Variants in SRCIN1 observed in about 807,000 individuals in gnomAD.
The protein encoded by SRCIN1 is P130Cas-associated protein.
In SRCIN1, 50 loss-of-function variants were observed where a neutral mutation model predicts 116.2. The observed-to-expected ratio is 0.43, with a 90% CI of 0.34 to 0.54. The LOEUF is 0.54. Ranked by LOEUF, SRCIN1 falls within the 20% of genes least tolerant of loss-of-function variation. The pLI is 0.02. For missense variants in SRCIN1, 1,446 were observed against 1,672.0 expected, an observed-to-expected ratio of 0.86 and a Z score of 2.36; for synonymous variants, 736 against 750.0, an observed-to-expected ratio of 0.98 and a Z score of 0.30.
At chr17:38,537,171 C>T (rs561850322) in intron 18 of SRCIN1, among the ~76,000 whole-genome samples, 28 of 148,812 alleles carry the variant, frequency 1.9e-4, no homozygotes, top group Admixed American at 3.4e-4. Flanking sequence ...GAGCGAGAGA[C>T]TCTATCTCAA....
chr17:38,579,239 G>A (rs542708040), intron 1 of SRCIN1, among the ~76,000 whole-genome samples: 1 of 152,160 alleles, frequency 6.6e-6, no homozygotes, highest in Non-Finnish European at 1.5e-5. Context: ...AAATGAGCTC[G>A]TAGTCTTCCT....
intron 3 of SRCIN1, among the ~76,000 whole-genome samples, chr17:38,567,663 CAGG>C (rs1295775186): frequency 6.6e-6 from 1 of 152,046 alleles, no homozygotes; most frequent in Admixed American, 6.5e-5. Flanking sequence ...GGCCAGAGCT[CAGG>C]AGGAGGCAAG....
In SRCIN1 at chr17:38,544,560, G is replaced by T; in HGVS notation, c.3271-591C>A. The T allele has an allele frequency of 6.6e-6, 1 of 152,616 alleles. No homozygotes were observed. 9.5% of individuals were successfully genotyped at this position (152,616 alleles called of 1,614,324 possible). ...GAGACAGAGAATCAGAGACAGGAAGGGGAGGGGAGCATGGGGATGGAAGGT... is the reference window on the plus strand; with the variant it reads ...GAGACAGAGAATCAGAGACAGGAAGTGGAGGGGAGCATGGGGATGGAAGGT... On this transcript the variant is annotated intron_variant, in intron 17 of 18. Coordinates refer to ENST00000617146, the MANE Select transcript of SRCIN1 (RefSeq NM_025248.3). This position sits in a 1 kb window ranked among gnomAD's most constrained non-coding sequence, Gnocchi z 4.5.
At position 38,563,365 on chromosome 17, in the gene SRCIN1, T is replaced by C. The variant is rs557174651; in HGVS notation, c.698A>G (p.Lys233Arg). The change falls in exon 5 of 19, where the codon AAA becomes AGA. Residue 233 changes from lysine to arginine, a missense_variant. Transcript: ENST00000617146. The surrounding 1 kb of genome is among the most constrained non-coding windows in gnomAD (Gnocchi z 5.8). ...LKSPNTAILI[K>R]DEARNVFYEL... is the part of the protein sequence containing the mutation. ...GTAGAAGACGTTGCGAGCCTCGTCT[T>C]TGATGAGGATGGCGGTATTGGGCGA... 2 of 1,581,438 alleles carry C rather than the reference T, an allele frequency of 1.3e-6. No individual in the cohort carries two copies. Among genetic ancestry groups the C allele is most frequent in the South Asian group, 1.2e-5 (1 of 85,926 alleles).
At chr17:38,533,453 G>A (rs1482054542) in intron 18 of SRCIN1, 22 bp from the exon 19 acceptor site, 1 of 1,610,954 alleles carries the variant, frequency 6.2e-7, no homozygotes, top group Non-Finnish European at 8.5e-7. Flanking sequence ...ACAGGGGTCA[G>A]GGGTCAGAGA....
chr17:38,579,391 A>T (rs1176938022), intron 1 of SRCIN1, among the ~76,000 whole-genome samples: 1 of 152,226 alleles, frequency 6.6e-6, no homozygotes, highest in Non-Finnish European at 1.5e-5. Context: ...AATCGCTCTC[A>T]GGTTTCCCAT....
Position 38,561,771 on chromosome 17 carries a change from G to C in SRCIN1, c.1392C>G (p.Asp464Glu). ...AAGGGGPLYG[D>E]GYGFRLPPSS... is the part of the protein sequence containing the mutation. ...AAGGCGGCAGGCGGAAGCCGTAGCC[G>C]TCGCCGTACAGCGGGCCGCCGCCGC... The change falls in exon 7 of 19, where the codon GAC (aspartate) becomes GAG (glutamate). Residue 464 changes from aspartate (D) to glutamate (E), a missense_variant. Around this residue, in one of 5 missense-constraint regions of SRCIN1, gnomAD observed 398 missense variants for 385.6 expected, o/e 1.03. Transcript: ENST00000617146. The C allele has an allele frequency of 1.3e-6, 2 of 1,503,438 alleles. No individual in the cohort carries two copies. Among genetic ancestry groups the C allele is most frequent in the Non-Finnish European group, 1.8e-6 (2 of 1,133,002 alleles). 93.1% of individuals were successfully genotyped at this position (1,503,438 alleles called of 1,614,324 possible).
intron 18 of SRCIN1, among the ~76,000 whole-genome samples, chr17:38,535,816 G>A (rs1455045590): frequency 6.6e-6 from 1 of 151,708 alleles, no homozygotes; most frequent in Non-Finnish European, 1.5e-5. Context: ...AGTTCCCCCT[G>A]ATGTCTCTTC....
At chr17:38,598,369 G>A (rs542498149) in intron 1 of SRCIN1, among the ~76,000 whole-genome samples, 3 of 152,294 alleles carry the variant, frequency 2.0e-5, no homozygotes, top group Admixed American at 2.0e-4. Flanking sequence ...GCTGGTGTCT[G>A]GAGTGATGTC....
Position 38,548,643 on chromosome 17 carries a change from C to A in SRCIN1, c.3184G>T (p.Val1062Leu). The A allele has an allele frequency of 6.2e-7, 1 of 1,613,030 alleles. No homozygotes were observed. Among genetic ancestry groups the A allele is most frequent in the African/African-American group, 1.3e-5 (1 of 75,012 alleles). The change falls in exon 17 of 19, where the codon GTG (valine) becomes TTG (leucine). Residue 1062 changes from valine to leucine, a missense_variant. By Grantham distance (32) the Val-to-Leu change is conservative (BLOSUM62 1). Around this residue, in one of 5 missense-constraint regions of SRCIN1, gnomAD observed 531 missense variants for 633.9 expected, o/e 0.84. Coordinates refer to ENST00000617146, the MANE Select transcript of SRCIN1 (RefSeq NM_025248.3). ...GGTGGTGTGGAGGCTGGGCGGGCCA[C>A]CTCAGACACAGCCCGGCGCAGCTTC... is the stretch of plus-strand genomic sequence containing the variant. Reference protein sequence around the residue: ...QVKLRRAVSEVARPASTPPIM... With the variant: ...QVKLRRAVSELARPASTPPIM...
intron 2 of SRCIN1, among the ~76,000 whole-genome samples, chr17:38,569,502 G>A (rs183975442): frequency 1.3e-5 from 2 of 152,276 alleles, no homozygotes; most frequent in Admixed American, 1.3e-4. Context: ...GGAGTTGGAA[G>A]GGGCTGAGTC....
chr17:38,558,324 G>T lies in SRCIN1; in HGVS notation c.2104C>A (p.Arg702=). The change falls in exon 11 of 19, where the codon CGG becomes AGG. Residue 702 remains arginine, a synonymous_variant. Transcript: ENST00000617146. The surrounding 1 kb of genome is among the most constrained non-coding windows in gnomAD (Gnocchi z 4.6). ...CGCTGCAGCGGGTCCTCCTGCCGCC[G>T]CGCCGCCTCCGACACGCGCATGCTC... ...ELSMRVSEAA[R]RQEDPLQRQR... The T allele has an allele frequency of 6.2e-7, 1 of 1,610,584 alleles. No individual in the cohort carries two copies. Among genetic ancestry groups the T allele is most frequent in the South Asian group, 1.1e-5 (1 of 91,036 alleles).
intron 15 of SRCIN1, 114 bp downstream of exon 15, chr17:38,551,041 T>C: frequency 1.7e-6 from 1 of 580,066 alleles, no homozygotes; most frequent in Non-Finnish European, 3.0e-6. Flanking sequence ...CTCCCTTGTG[T>C]GGCAGCCCAA....
chr17:38,593,491 C>A (rs55667115), intron 1 of SRCIN1, among the ~76,000 whole-genome samples: 9,695 of 152,150 alleles, frequency 0.064, 362 homozygotes, highest in African/African-American at 0.11. Flanking sequence ...TGAGGCTGCC[C>A]TGCTAGAGAC....
chr17:38,533,939 AG>A (rs1382008640), intron 18 of SRCIN1, among the ~76,000 whole-genome samples: 1 of 151,876 alleles, frequency 6.6e-6, no homozygotes, highest in African/African-American at 2.4e-5. Flanking sequence ...TTATCCTCCC[AG>A]GGGGGAATAA....
At chr17:38,539,275 T>TG (rs143443926) in intron 18 of SRCIN1, among the ~76,000 whole-genome samples, 3,800 of 152,148 alleles carry the variant, frequency 0.025, 179 homozygotes, top group African/African-American at 0.085. Flanking sequence ...GAACCAATTA[T>TG]GGGGGGGCTC....
chr17:38,581,480 T>A (rs1214024308), intron 1 of SRCIN1, among the ~76,000 whole-genome samples: 6 of 151,196 alleles, frequency 4.0e-5, no homozygotes, highest in African/African-American at 1.5e-4. Flanking sequence ...TTTTTTTTTT[T>A]TAAATACCTT....
At chr17:38,577,935 C>G (rs1299903293) in intron 2 of SRCIN1, among the ~76,000 whole-genome samples, 2 of 152,134 alleles carry the variant, frequency 1.3e-5, no homozygotes, top group African/African-American at 4.8e-5. Context: ...TCACCCAGCA[C>G]GCCACGGGGT....
At position 38,604,383 on chromosome 17, in the gene SRCIN1, A is replaced by G. The variant is rs1397384276; in HGVS notation, c.22+1301T>C. The G allele has an allele frequency of 6.6e-5, 21 of 319,314 alleles. No homozygotes were observed. The Admixed American group carries it at 7.5e-4, about 11-fold the overall frequency. 19.8% of individuals were successfully genotyped at this position (319,314 alleles called of 1,614,324 possible). ...CCAGCTCGGGGAGCCCACTTTCCTT[A>G]AAGTTGGGGTGCTGCAGGACCTCCT... On this transcript the variant is annotated intron_variant, in intron 1 of 18. Coordinates refer to ENST00000617146, the MANE Select transcript of SRCIN1 (RefSeq NM_025248.3). This position sits in a 1 kb window ranked among gnomAD's most constrained non-coding sequence, Gnocchi z 4.3.
Sources: gnomAD v4.1 joint callset for allele counts (sites outside exome capture counted in the v4.1 genomes callset) on GRCh38, gnomAD v4.1.1 for gene constraint, gnomAD v4.1.1 regional missense constraint, Gnocchi (gnomAD v3.1) non-coding constraint, MANE v1.5 for transcripts, NCBI Gene and HGNC (gene_info 2026-07-23, HGNC 2026-07-21) for gene names.